MMP16: variants seen among roughly 807,000 people sequenced by gnomAD.
MMP16 encodes matrix metallopeptidase 16, also known as matrix metalloproteinase-16.
Under a neutral mutation model 67.8 loss-of-function variants are expected in MMP16, and 12 were observed. That is an observed-to-expected ratio of 0.18 (90% CI 0.11 to 0.29). The LOEUF (loss-of-function observed/expected upper bound fraction) is 0.29. Ranked by LOEUF, MMP16 falls within the 10% of genes least tolerant of loss-of-function variation. MMP16 has a pLI of 1.00. For missense variants in MMP16, 475 were observed against 765.7 expected, an observed-to-expected ratio of 0.62 and a Z score of 4.48; for synonymous variants, 249 against 255.9, an observed-to-expected ratio of 0.97 and a Z score of 0.26.
At chr8:88,118,644 G>T (rs1809478656) in intron 5 of MMP16, 56 bp downstream of exon 5, 1 of 1,484,774 alleles carries the variant, frequency 6.7e-7, no homozygotes, top group Non-Finnish European at 9.3e-7. Flanking sequence ...AGAAAACACA[G>T]CAGAAATTCT....
chr8:88,216,838 C>T (rs1809602745), intron 1 of MMP16, among the ~76,000 whole-genome samples: 1 of 152,082 alleles, frequency 6.6e-6, no homozygotes, highest in Admixed American at 6.6e-5. Flanking sequence ...AGTTTCTCCA[C>T]AGTGAAGTTA....
chr8:88,137,210 T>C (rs543092057), intron 4 of MMP16, among the ~76,000 whole-genome samples: 1 of 152,026 alleles, frequency 6.6e-6, no homozygotes, highest in African/African-American at 2.4e-5. Flanking sequence ...TCTATTTTCA[T>C]ATTGGGTTAC....
At chr8:88,228,207 T>A (rs1049557224) in intron 1 of MMP16, among the ~76,000 whole-genome samples, 1 of 152,096 alleles carries the variant, frequency 6.6e-6, no homozygotes, top group Non-Finnish European at 1.5e-5. Flanking sequence ...GGAAAAAATT[T>A]TGGCATGATG....
chr8:88,112,814 A>G (rs954502534), intron 6 of MMP16, among the ~76,000 whole-genome samples: 2 of 151,834 alleles, frequency 1.3e-5, no homozygotes, highest in Admixed American at 6.6e-5. Context: ...AGAAGCTCAC[A>G]ACCAAAAAGC....
At chr8:88,205,342 C>T (rs1809409208) in intron 1 of MMP16, among the ~76,000 whole-genome samples, 2 of 151,966 alleles carry the variant, frequency 1.3e-5, no homozygotes, top group Non-Finnish European at 2.9e-5. Context: ...CCTAGGAGAC[C>T]CTATTCATGT....
At chr8:88,099,863 A>G (rs1338527337) in intron 6 of MMP16, among the ~76,000 whole-genome samples, 1 of 151,876 alleles carries the variant, frequency 6.6e-6, no homozygotes, top group African/African-American at 2.4e-5. Flanking sequence ...ATATAGGTAG[A>G]ATTTTATTTG....
intron 6 of MMP16, among the ~76,000 whole-genome samples, chr8:88,084,409 T>C (rs180954282): frequency 1.0e-3 from 158 of 151,054 alleles, no homozygotes; most frequent in Middle Eastern, 3.4e-3. Flanking sequence ...CATCCTAAAA[T>C]GTGAGATAGT....
intron 1 of MMP16, among the ~76,000 whole-genome samples, chr8:88,248,986 C>G (rs1269341501): frequency 6.6e-6 from 1 of 151,202 alleles, no homozygotes; most frequent in Non-Finnish European, 1.5e-5. Context: ...TGCAAAGAAA[C>G]AAACAAACAA....
At chr8:88,246,144 T>A (rs1460410985) in intron 1 of MMP16, among the ~76,000 whole-genome samples, 4 of 152,044 alleles carry the variant, frequency 2.6e-5, no homozygotes, top group African/African-American at 9.7e-5. Flanking sequence ...AAAACAAAAG[T>A]AATGAAAGGC....
intron 1 of MMP16, among the ~76,000 whole-genome samples, chr8:88,257,389 C>A (rs1810320555): frequency 6.6e-6 from 1 of 152,166 alleles, no homozygotes; most frequent in Admixed American, 6.5e-5. Flanking sequence ...GAGGTCATAC[C>A]TATGCTGATG....
chr8:88,285,240 A>G (rs1430035262), intron 1 of MMP16, among the ~76,000 whole-genome samples: 1 of 152,066 alleles, frequency 6.6e-6, no homozygotes, highest in African/African-American at 2.4e-5. Context: ...TCTGGGTTCA[A>G]GTGATTCTCC....
At chr8:88,054,472 T>C (rs888128222) in intron 8 of MMP16, among the ~76,000 whole-genome samples, 2 of 152,218 alleles carry the variant, frequency 1.3e-5, no homozygotes, top group Non-Finnish European at 2.9e-5. Flanking sequence ...GTTCTTCCTC[T>C]TTCATAGTCT....
chr8:88,106,632 C>A (rs914186621), intron 6 of MMP16, among the ~76,000 whole-genome samples: 16 of 151,152 alleles, frequency 1.1e-4, no homozygotes, highest in African/African-American at 3.9e-4. Context: ...ATGTAAGATA[C>A]TATTAACCTT....
chr8:88,137,735 T>C (rs781115337), intron 4 of MMP16, among the ~76,000 whole-genome samples: 2 of 151,930 alleles, frequency 1.3e-5, no homozygotes, highest in African/African-American at 4.8e-5. Flanking sequence ...TAGATGTTTT[T>C]TCATTGTGTC....
At chr8:88,071,694 T>G (rs555137413) in intron 7 of MMP16, among the ~76,000 whole-genome samples, 1 of 152,308 alleles carries the variant, frequency 6.6e-6, no homozygotes, top group South Asian at 2.1e-4. Flanking sequence ...AATCTTATTC[T>G]TGGTTCATTC....
intron 1 of MMP16, among the ~76,000 whole-genome samples, chr8:88,315,688 CACA>C (rs1349977235): frequency 6.6e-6 from 1 of 152,150 alleles, no homozygotes; most frequent in African/African-American, 2.4e-5. Flanking sequence ...TTCCTTGAAA[CACA>C]ACAATATTGA....
intron 6 of MMP16, among the ~76,000 whole-genome samples, chr8:88,098,896 T>G (rs952203355): frequency 6.6e-6 from 1 of 151,908 alleles, no homozygotes; most frequent in Non-Finnish European, 1.5e-5. Context: ...ATGATCACTA[T>G]TTTGTTCCCA....
intron 1 of MMP16, among the ~76,000 whole-genome samples, chr8:88,238,278 C>A (rs935083354): frequency 6.6e-6 from 1 of 152,078 alleles, no homozygotes; most frequent in Non-Finnish European, 1.5e-5. Flanking sequence ...GTTGGGAAGC[C>A]GAGGCAGATG....
At chr8:88,247,129 A>T (rs530850812) in intron 1 of MMP16, among the ~76,000 whole-genome samples, 1 of 152,270 alleles carries the variant, frequency 6.6e-6, no homozygotes, top group South Asian at 2.1e-4. Flanking sequence ...GAGGTCATTC[A>T]GGGTAGGGGC....
Sources: allele counts gnomAD v4.1 joint callset (sites outside exome capture counted in the v4.1 genomes callset), GRCh38; gene constraint gnomAD v4.1.1; transcripts MANE v1.5; gene names NCBI Gene and HGNC (gene_info 2026-07-23, HGNC 2026-07-21).